The following VCL variants were observed in gnomAD, a reference collection of about 807,000 sequenced individuals.
VCL encodes vinculin, also known as epididymis luminal protein 114.
A neutral mutation model predicts 125.7 loss-of-function variants in VCL; 47 were observed. That is an observed-to-expected ratio of 0.37 (90% CI 0.30 to 0.48). The LOEUF is 0.48. Among genes scored for constraint, VCL ranks in the 20% least tolerant of loss-of-function variants. The pLI, the probability that VCL is intolerant of heterozygous loss-of-function variation, is 0.99. For missense variants in VCL, 1,069 were observed against 1,455.5 expected, an observed-to-expected ratio of 0.73 and a Z score of 4.32; for synonymous variants, 458 against 514.6, an observed-to-expected ratio of 0.89 and a Z score of 1.49.
At chr10:74,083,093 A>G (rs1839704260) in intron 7 of VCL, among the ~76,000 whole-genome samples, 1 of 152,240 alleles carries the variant, frequency 6.6e-6, no homozygotes, top group South Asian at 2.1e-4. Flanking sequence ...AAATTGTTAG[A>G]GTCTGTTTTC....
intron 2 of VCL, among the ~76,000 whole-genome samples, chr10:74,057,977 C>T (rs1476746577): frequency 6.6e-6 from 1 of 152,146 alleles, no homozygotes; most frequent in African/African-American, 2.4e-5. Context: ...TTTTATGAAC[C>T]TGTTTTGGCA....
In VCL at chr10:74,097,378, G is replaced by A. The variant is rs1839987281; in HGVS notation, c.1872+46G>A. The A allele has an allele frequency of 6.2e-7, 1 of 1,602,170 alleles. No homozygotes were observed. Among genetic ancestry groups the A allele is most frequent in the Non-Finnish European group, 8.5e-7 (1 of 1,176,134 alleles). ...ATTTTTCTGTCAGCCTGTGCTATAG[G>A]TATATGTAAAGGTGAAATGTGATTA... On this transcript the variant is annotated intron_variant, in intron 13 of 21. Transcript: ENST00000211998. This position sits in a 1 kb window ranked among gnomAD's most constrained non-coding sequence, Gnocchi z 4.1.
intron 1 of VCL, among the ~76,000 whole-genome samples, chr10:74,037,999 C>CT (rs56198344): frequency 0.011 from 1,485 of 130,018 alleles, 26 homozygotes; most frequent in African/African-American, 0.039. Flanking sequence ...CTTTTCTTTT[C>CT]TTTTTTTTTT....
rs143817688 is a variant in VCL at position 74,039,516 on chromosome 10, C to T, written c.169-3567C>T. On this transcript the variant is annotated intron_variant, in intron 1 of 21. Coordinates refer to ENST00000211998, the MANE Select transcript of VCL (RefSeq NM_014000.3). ...AAGAAAATCAGGCCAGGCGTGGTGG[C>T]TCATGACTGTAATCCCAGCAGTTAG... Among the ~76,000 whole-genome samples, 451 of 152,044 alleles carry T rather than the reference C, an allele frequency of 3.0e-3. 5 individuals are homozygous for T. The highest frequency in any genetic ancestry group is 4.4e-3 in the Non-Finnish European group (300 of 68,004).
At chr10:74,002,897 A>AT (rs1018064932) in intron 1 of VCL, among the ~76,000 whole-genome samples, 9 of 150,962 alleles carry the variant, frequency 6.0e-5, no homozygotes, top group African/African-American at 2.2e-4. Context: ...AAAAAAAAAA[A>AT]GAAAGACATT....
At position 74,078,196 on chromosome 10, in the gene VCL, C is replaced by T. The variant is rs187042189; in HGVS notation, c.783+3293C>T. On this transcript the variant is annotated intron_variant, in intron 6 of 21. Transcript: ENST00000211998. ...CTACATAGGCACTCCTGCAGCTTTG[C>T]ACCGTGAATCATTAAATTCTATTAT... Among the ~76,000 whole-genome samples the T allele has an allele frequency of 6.5e-3, 993 of 152,252 alleles. 19 individuals are homozygous for T. The highest frequency in any genetic ancestry group is 5.6e-3 in the Non-Finnish European group (384 of 68,022).
chr10:74,073,740 G>A (rs571677643), intron 5 of VCL, among the ~76,000 whole-genome samples: 130 of 152,342 alleles, frequency 8.5e-4, no homozygotes, highest in African/African-American at 3.0e-3. Context: ...GCAAAAGGGA[G>A]TAGCACTTAT....
chr10:74,109,012 A>C lies in VCL; in HGVS notation c.2601A>C (p.Glu867Asp), dbSNP rs764067327. ...ELAPPKPPLPEGEVPPPRPPP... is the reference protein window; with the variant it reads ...ELAPPKPPLPDGEVPPPRPPP... ...CTCCTCCCAAACCACCTCTGCCTGAAGGTGAGGTCCCTCCACCTAGGCCTC... is the reference window on the plus strand; with the variant it reads ...CTCCTCCCAAACCACCTCTGCCTGACGGTGAGGTCCCTCCACCTAGGCCTC... The change falls in exon 18 of 22, where the codon GAA becomes GAC. Residue 867 changes from glutamate to aspartate, a missense_variant. Physicochemically the swap from Glu to Asp is conservative, Grantham distance 45. Coordinates refer to ENST00000211998, the MANE Select transcript of VCL (RefSeq NM_014000.3). 1.2e-6 allele frequency: 2 copies of C among 1,614,164 alleles called. No homozygotes were observed. The highest frequency in any genetic ancestry group is 1.1e-5 in the South Asian group (1 of 91,082).
chr10:74,096,275 T>G (rs997050292), intron 12 of VCL, among the ~76,000 whole-genome samples: 1 of 151,708 alleles, frequency 6.6e-6, no homozygotes, highest in African/African-American at 2.4e-5. Flanking sequence ...GGTGGGAGAA[T>G]CACCTGAACC....
rs886047230 is a variant in VCL at position 74,119,930 on chromosome 10, A to G, written c.*1761A>G. The G allele has an allele frequency of 7.9e-5, 12 of 151,978 alleles. No individual in the cohort carries two copies. Among genetic ancestry groups the G allele is most frequent in the Non-Finnish European group, 1.3e-4 (9 of 67,958 alleles). 9.4% of individuals were successfully genotyped at this position (151,978 alleles called of 1,614,324 possible). A position where few individuals can be genotyped will look rare whatever the true frequency, so the allele number is the denominator to read the frequency against. On this transcript the variant is annotated 3_prime_UTR_variant, in exon 22 of 22. Transcript: ENST00000211998. Reference sequence around the variant, plus strand: ...TCATGTTTGCTCTCCCGGTTCTTCCAGTGGTTTGAGACACTGGTTTACACT... The same window carrying G: ...TCATGTTTGCTCTCCCGGTTCTTCCGGTGGTTTGAGACACTGGTTTACACT...
chr10:74,079,966 T>G (rs1177290249), intron 6 of VCL, among the ~76,000 whole-genome samples: 1 of 152,184 alleles, frequency 6.6e-6, no homozygotes, highest in Non-Finnish European at 1.5e-5. Context: ...TCTCTTAATT[T>G]TAACTTCTTG....
intron 17 of VCL, among the ~76,000 whole-genome samples, chr10:74,107,695 G>A (rs1166785844): frequency 6.6e-6 from 1 of 152,162 alleles, no homozygotes; most frequent in Non-Finnish European, 1.5e-5. Context: ...ACAGCTTGGA[G>A]TAAGGAGATT....
At chr10:74,079,037 T>G (rs989439601) in intron 6 of VCL, among the ~76,000 whole-genome samples, 1 of 152,178 alleles carries the variant, frequency 6.6e-6, no homozygotes, top group African/African-American at 2.4e-5. Flanking sequence ...AAGGAGGTCA[T>G]TATTATTCAC....
At chr10:74,109,273 C>A (rs1300342411) in intron 18 of VCL, 117 bp downstream of exon 18, 40 of 1,293,454 alleles carry the variant, frequency 3.1e-5, no homozygotes, top group Non-Finnish European at 2.2e-6. Flanking sequence ...TCCTTTGGTT[C>A]CTGTGTTGCC....
intron 8 of VCL, 35 bp downstream of exon 8, chr10:74,083,548 G>T: frequency 6.2e-7 from 1 of 1,611,394 alleles, no homozygotes; most frequent in South Asian, 1.1e-5. Context: ...AGCAGTAGTG[G>T]GTAACTCACT....
At chr10:74,012,538 T>C (rs751403009) in intron 1 of VCL, among the ~76,000 whole-genome samples, 18 of 152,242 alleles carry the variant, frequency 1.2e-4, no homozygotes, top group Non-Finnish European at 2.4e-4. Flanking sequence ...TGTTAACTAC[T>C]ACAAATACAG....
At chr10:74,051,769 T>C (rs1036042173) in intron 2 of VCL, among the ~76,000 whole-genome samples, 6 of 152,184 alleles carry the variant, frequency 3.9e-5, no homozygotes, top group Admixed American at 2.6e-4. Context: ...CATTTGGTGA[T>C]TATGTTGCAG....
chr10:74,094,239 G>T (rs750697693), intron 10 of VCL, 32 bp from the exon 11 acceptor site: 1 of 1,613,572 alleles, frequency 6.2e-7, no homozygotes, highest in African/African-American at 1.3e-5. Context: ...TAGTGTTTAT[G>T]TGTGACAGGA....
intron 1 of VCL, among the ~76,000 whole-genome samples, chr10:74,003,335 A>G (rs548308565): frequency 1.3e-5 from 2 of 152,304 alleles, no homozygotes; most frequent in Admixed American, 1.3e-4. Context: ...AAAATAGGAG[A>G]AGGGCACAAG....
Sources: gnomAD v4.1 joint callset for allele counts (sites outside exome capture counted in the v4.1 genomes callset) on GRCh38, gnomAD v4.1.1 for gene constraint, Gnocchi (gnomAD v3.1) non-coding constraint, MANE v1.5 for transcripts, NCBI Gene and HGNC (gene_info 2026-07-23, HGNC 2026-07-21) for gene names.